The following NRXN1 variants were observed in gnomAD, a reference collection of about 807,000 sequenced individuals.
NRXN1 encodes neurexin-1.
A neutral mutation model predicts 150.9 loss-of-function variants in NRXN1; 39 were observed. The observed-to-expected ratio is 0.26, with a 90% CI of 0.20 to 0.34. The LOEUF is 0.34. NRXN1 is among the 10% of genes least tolerant of loss of function. NRXN1 has a pLI of 1.00. For synonymous variants in NRXN1, 924 were observed against 757.0 expected, an observed-to-expected ratio of 1.22 and a Z score of -3.62; for missense variants, 1,815 against 1,949.9, an observed-to-expected ratio of 0.93 and a Z score of 1.30.
At chr2:50,792,869 TAA>T (rs1358483018) in intron 5 of NRXN1, among the ~76,000 whole-genome samples, 1 of 152,076 alleles carries the variant, frequency 6.6e-6, no homozygotes, top group Non-Finnish European at 1.5e-5. Context: ...ATAGAAAAGT[TAA>T]GTGACTTATC....
intron 10 of NRXN1, among the ~76,000 whole-genome samples, chr2:50,537,864 A>G (rs2093300486): frequency 1.3e-5 from 2 of 152,162 alleles, no homozygotes; most frequent in Non-Finnish European, 2.9e-5. Flanking sequence ...CTCAAATGCT[A>G]TTTCTTAGCA....
At chr2:50,114,905 T>C (rs548429704) in intron 18 of NRXN1, among the ~76,000 whole-genome samples, 30 of 151,974 alleles carry the variant, frequency 2.0e-4, no homozygotes, top group African/African-American at 7.0e-4. Context: ...TTTAGGGCAA[T>C]GAATGTACTC....
At chr2:50,673,415 A>G (rs2104743610) in intron 5 of NRXN1, among the ~76,000 whole-genome samples, 1 of 152,248 alleles carries the variant, frequency 6.6e-6, no homozygotes, top group Admixed American at 6.5e-5. Context: ...AGCAATGCCT[A>G]CAGTACAGTA....
intron 21 of NRXN1, among the ~76,000 whole-genome samples, chr2:50,037,576 A>T (rs1286149685): frequency 2.0e-5 from 3 of 152,204 alleles, no homozygotes; most frequent in African/African-American, 7.2e-5. Flanking sequence ...AAGATACGAT[A>T]TTAGGAAGAC....
intron 8 of NRXN1, among the ~76,000 whole-genome samples, chr2:50,610,411 T>G (rs1469158): frequency 0.28 from 42,165 of 151,214 alleles, 6,122 homozygotes; most frequent in Middle Eastern, 0.38. Context: ...AGAGACAAAC[T>G]CAGATTACTT....
chr2:50,941,888 A>C (rs979488954), intron 2 of NRXN1, among the ~76,000 whole-genome samples: 1 of 152,156 alleles, frequency 6.6e-6, no homozygotes, highest in Non-Finnish European at 1.5e-5. Flanking sequence ...TCAAATGTTA[A>C]TAGCCAAGAC....
At chr2:50,986,517 A>C (rs1032041510) in intron 2 of NRXN1, among the ~76,000 whole-genome samples, 1 of 151,728 alleles carries the variant, frequency 6.6e-6, no homozygotes, top group Admixed American at 6.6e-5. Context: ...AAAACACTGA[A>C]TATTTCATGT....
At chr2:50,191,013 A>G (rs2061408970) in intron 18 of NRXN1, among the ~76,000 whole-genome samples, 1 of 151,514 alleles carries the variant, frequency 6.6e-6, no homozygotes, top group South Asian at 2.1e-4. Flanking sequence ...TGTACCAGAA[A>G]TTCTTGTGTG....
intron 3 of NRXN1, among the ~76,000 whole-genome samples, chr2:50,925,418 C>G (rs371022905): frequency 6.6e-6 from 1 of 151,808 alleles, no homozygotes; most frequent in African/African-American, 2.4e-5. Context: ...TTCATGTCCA[C>G]TGGCCAATGG....
intron 15 of NRXN1, among the ~76,000 whole-genome samples, chr2:50,484,387 T>G (rs941567972): frequency 4.6e-5 from 7 of 152,210 alleles, no homozygotes; most frequent in African/African-American, 1.7e-4. Context: ...CTCCAAACAC[T>G]TTGTTCTTCC....
chr2:50,227,251 T>C (rs900941716), intron 18 of NRXN1, among the ~76,000 whole-genome samples: 1 of 152,004 alleles, frequency 6.6e-6, no homozygotes. Context: ...AGTAAATTAC[T>C]AAGTGTCCGT....
At chr2:50,218,944 T>G (rs1394372215) in intron 18 of NRXN1, among the ~76,000 whole-genome samples, 1 of 151,946 alleles carries the variant, frequency 6.6e-6, no homozygotes, top group Non-Finnish European at 1.5e-5. Context: ...AAGAGAGATA[T>G]TCCAATAGCC....
At chr2:50,894,162 C>A (rs147730519) in intron 5 of NRXN1, among the ~76,000 whole-genome samples, 2 of 151,472 alleles carry the variant, frequency 1.3e-5, no homozygotes, top group Non-Finnish European at 2.9e-5. Flanking sequence ...GTGGGTGCAG[C>A]GCACCAGCAT....
intron 5 of NRXN1, among the ~76,000 whole-genome samples, chr2:50,664,744 G>A (rs746386055): frequency 4.6e-5 from 7 of 150,736 alleles, no homozygotes; most frequent in Non-Finnish European, 1.0e-4. Flanking sequence ...TAAAGCTTTA[G>A]GTTGACATAA....
At chr2:49,999,188 A>G (rs1279738519) in intron 21 of NRXN1, among the ~76,000 whole-genome samples, 1 of 152,114 alleles carries the variant, frequency 6.6e-6, no homozygotes, top group Non-Finnish European at 1.5e-5. Flanking sequence ...GACTTTTTAG[A>G]ATTGTGTCTA....
intron 5 of NRXN1, among the ~76,000 whole-genome samples, chr2:50,716,323 T>A (rs1209178610): frequency 6.6e-6 from 1 of 152,098 alleles, no homozygotes; most frequent in Non-Finnish European, 1.5e-5. Flanking sequence ...CCAATTTCTG[T>A]TCACAGGGGA....
intron 5 of NRXN1, among the ~76,000 whole-genome samples, chr2:50,883,640 T>A (rs1679791546): frequency 6.6e-6 from 1 of 151,808 alleles, no homozygotes; most frequent in Non-Finnish European, 1.5e-5. Flanking sequence ...ACTATAGGAC[T>A]TACATAAAGT....
rs3046630 is a variant in NRXN1, at chr2:50,013,273, C to CTTTTTTTTTTTTTTTTT, written c.4128+39997_4128+39998insAAAAAAAAAAAAAAAAA. 2.9e-5 allele frequency among the ~76,000 whole-genome samples: 4 copies of CTTTTTTTTTTTTTTTTT among 136,152 alleles called. 1 individual carries two copies. Among genetic ancestry groups the CTTTTTTTTTTTTTTTTT allele is most frequent in the Non-Finnish European group, 1.5e-5 (1 of 64,544 alleles). The allele number at this position is 136,152 out of a possible 152,430, so 89.3% of individuals were successfully genotyped here. On this transcript the variant is annotated intron_variant, in intron 21 of 22. Transcript: ENST00000401669. ...TGTTGAGATATTACTATTAAAGTTT[C>CTTTTTTTTTTTTTTTTT]TTTTTTTTTTTTTGGATACAGCTGT...
intron 5 of NRXN1, among the ~76,000 whole-genome samples, chr2:50,752,636 T>G (rs942021707): frequency 2.0e-5 from 3 of 151,844 alleles, no homozygotes; most frequent in Non-Finnish European, 4.4e-5. Flanking sequence ...AATTTAAATT[T>G]TAAAGCAGAT....
Sources: allele counts gnomAD v4.1 joint callset (sites outside exome capture counted in the v4.1 genomes callset), GRCh38; gene constraint gnomAD v4.1.1; transcripts MANE v1.5; gene names NCBI Gene and HGNC (gene_info 2026-07-23, HGNC 2026-07-21).